The following FAM184A variants were observed in gnomAD, a reference collection of about 807,000 sequenced individuals.
FAM184A encodes the protein protein FAM184A.
A neutral mutation model predicts 143.8 loss-of-function variants in FAM184A; 99 were observed. The ratio of observed to expected loss-of-function variants is 0.69; its 90% CI spans 0.58 to 0.81. The LOEUF (loss-of-function observed/expected upper bound fraction) is 0.81, where lower values mean the gene tolerates loss of function less well. Ranked by LOEUF, FAM184A falls within the 40% of genes least tolerant of loss-of-function variation. The pLI is 0.00. For missense variants in FAM184A, 1,217 were observed against 1,310.5 expected, an observed-to-expected ratio of 0.93 and a Z score of 1.10; for synonymous variants, 427 against 446.4, an observed-to-expected ratio of 0.96 and a Z score of 0.55.
chr6:119,003,022 C>T lies in FAM184A; in HGVS notation c.1965G>A (p.Glu655=), dbSNP rs750035821. ...LRQECSKLRE[E]LRLQHEEDKK... The stretch of plus-strand genomic sequence containing the variant: ...TATCCTCTTCATGTTGAAGCCTTAA[C>T]TCTTCACGAAGTTTAGAACACTCTT... The change falls in exon 9 of 18, where the codon GAG becomes GAA. Residue 655 remains glutamate (E), a synonymous_variant. Coordinates refer to ENST00000338891, the MANE Select transcript of FAM184A (RefSeq NM_024581.6). 6.2e-7 allele frequency: 1 copy of T among 1,609,112 alleles called. No homozygotes were observed. Among genetic ancestry groups the T allele is most frequent in the Non-Finnish European group, 8.5e-7 (1 of 1,178,686 alleles).
At chr6:118,989,696 ATTCT>A (rs1315337296) in intron 9 of FAM184A, among the ~76,000 whole-genome samples, 1 of 151,766 alleles carries the variant, frequency 6.6e-6, no homozygotes, top group African/African-American at 2.4e-5. Context: ...TTTTTACTTT[ATTCT>A]TTCTCATACT....
Position 119,016,989 on chromosome 6 carries a change from T to A in FAM184A, c.1333-45A>T, listed in dbSNP as rs767406541. Reference sequence around the variant, plus strand: ...CAATAATCGGCACCTGCTTTTTTCATTACTGTTATTAGGGTAATTTGAATA... The same window carrying A: ...CAATAATCGGCACCTGCTTTTTTCAATACTGTTATTAGGGTAATTTGAATA... On this transcript the variant is annotated intron_variant, in intron 4 of 17. Coordinates refer to ENST00000338891, the MANE Select transcript of FAM184A (RefSeq NM_024581.6). The A allele has an allele frequency of 8.2e-6, 11 of 1,338,380 alleles. No homozygotes were observed. The East Asian group carries it at 2.5e-4, about 31-fold the overall frequency. 82.9% of individuals were successfully genotyped at this position (1,338,380 alleles called of 1,614,324 possible). A position where few individuals can be genotyped will look rare whatever the true frequency, so the allele number is the denominator to read the frequency against.
intron 1 of FAM184A, among the ~76,000 whole-genome samples, chr6:119,054,435 T>C (rs1051501809): frequency 7.9e-5 from 12 of 152,352 alleles, no homozygotes; most frequent in Admixed American, 5.2e-4. Flanking sequence ...GTGCCTTCTA[T>C]GTGTTCTCAC....
At chr6:119,032,273 A>AC (rs1212924528) in intron 1 of FAM184A, among the ~76,000 whole-genome samples, 1 of 151,834 alleles carries the variant, frequency 6.6e-6, no homozygotes, top group East Asian at 1.9e-4. Context: ...CTGTCTCAAA[A>AC]CAAAAAAAAA....
At chr6:118,967,266 ATG>A (rs1204468643) in intron 14 of FAM184A, among the ~76,000 whole-genome samples, 1 of 152,216 alleles carries the variant, frequency 6.6e-6, no homozygotes, top group Non-Finnish European at 1.5e-5. Flanking sequence ...AAGAAATTAT[ATG>A]TTGAATGATA....
chr6:119,140,890 G>A (rs2114890403), intron 1 of FAM184A, among the ~76,000 whole-genome samples: 1 of 152,300 alleles, frequency 6.6e-6, no homozygotes, highest in South Asian at 2.1e-4. Flanking sequence ...GATTCACTAG[G>A]TAATAAATGG....
chr6:119,024,723 G>C lies in FAM184A; in HGVS notation c.250C>G (p.Leu84Val). 6.2e-7 allele frequency: 1 copy of C among 1,613,572 alleles called. No homozygotes were observed. Among genetic ancestry groups the C allele is most frequent in the African/African-American group, 1.3e-5 (1 of 75,010 alleles). ...DAHEEEIQQI[L>V]AETREKILQY... ...AATATTTTTTCTCTTGTTTCAGCAA[G>C]AATTTGTTGAATTTCTTCTTCATGA... Residue 84 changes from leucine (L) to valine (V), a missense_variant, in exon 2 of 18, where the codon CTT (leucine) becomes GTT (valine). Coordinates refer to ENST00000338891, the MANE Select transcript of FAM184A (RefSeq NM_024581.6).
chr6:119,063,613 A>T (rs1217544051), intron 1 of FAM184A, among the ~76,000 whole-genome samples: 1 of 152,114 alleles, frequency 6.6e-6, no homozygotes, highest in Admixed American at 6.6e-5. Context: ...CCTCTCTAAC[A>T]TTCAGTTTCA....
chr6:119,109,154 C>A (rs1276050150), intron 1 of FAM184A, among the ~76,000 whole-genome samples: 5 of 151,850 alleles, frequency 3.3e-5, no homozygotes, highest in African/African-American at 4.9e-5. Context: ...TAGCACTTGT[C>A]CTTGAACCAT....
intron 1 of FAM184A, among the ~76,000 whole-genome samples, chr6:119,038,219 C>T (rs1439270730): frequency 6.6e-6 from 1 of 152,080 alleles, no homozygotes; most frequent in African/African-American, 2.4e-5. Flanking sequence ...AACAAACAAA[C>T]AAATAGAGAA....
intron 1 of FAM184A, among the ~76,000 whole-genome samples, chr6:119,041,795 G>A (rs2114728610): frequency 6.6e-6 from 1 of 152,288 alleles, no homozygotes; most frequent in Non-Finnish European, 1.5e-5. Context: ...GCTTGCCATT[G>A]GTCCTGCACG....
chr6:119,098,254 C>T (rs755166032), intron 1 of FAM184A, among the ~76,000 whole-genome samples: 33 of 152,162 alleles, frequency 2.2e-4, no homozygotes, highest in Non-Finnish European at 3.4e-4. Context: ...TTTCGCCTTC[C>T]ACCATGATTG....
intron 14 of FAM184A, among the ~76,000 whole-genome samples, chr6:118,968,324 T>C (rs1320432330): frequency 6.6e-6 from 1 of 152,276 alleles, no homozygotes; most frequent in East Asian, 1.9e-4. Context: ...GAATTTGTGT[T>C]GGGCCACATT....
At chr6:119,043,831 T>C (rs952448573) in intron 1 of FAM184A, among the ~76,000 whole-genome samples, 2 of 152,218 alleles carry the variant, frequency 1.3e-5, no homozygotes, top group Admixed American at 1.3e-4. Context: ...AGGTATGCCT[T>C]TTCATTTATG....
At chr6:119,025,438 T>C in intron 1 of FAM184A, 1 of 518,806 alleles carries the variant, frequency 1.9e-6, no homozygotes. Flanking sequence ...GTACTTTTTC[T>C]CTTCATATTT....
At chr6:118,965,201 G>GTTT (rs1304097783) in intron 15 of FAM184A, among the ~76,000 whole-genome samples, 1 of 41,798 alleles carries the variant, frequency 2.4e-5, no homozygotes, top group South Asian at 1.0e-3. Context: ...AGTTTTTTTT[G>GTTT]TTTGTTTTTT....
chr6:119,144,904 T>C (rs893326790), intron 1 of FAM184A, among the ~76,000 whole-genome samples: 2 of 152,230 alleles, frequency 1.3e-5, no homozygotes, highest in African/African-American at 2.4e-5. Context: ...ATTTACTTAA[T>C]GTCTGCAACT....
rs977029986 is a variant in FAM184A at position 119,061,531 on chromosome 6, C to CTTTTTTT, written c.159+16603_159+16609dup. ...CTACCATGCCTGGCTAATTATTTTT[C>CTTTTTTT]TTTTTTTTTTTTTTTTTTTTTTTTT... is the stretch of plus-strand genomic sequence containing the variant. On this transcript the variant is annotated intron_variant, in intron 1 of 17. Transcript: ENST00000338891. Among the ~76,000 whole-genome samples, 151 of 58,570 alleles carry CTTTTTTT rather than the reference C, an allele frequency of 2.6e-3. 14 individuals are homozygous for CTTTTTTT. Among genetic ancestry groups the CTTTTTTT allele is most frequent in the Middle Eastern group, 0.017 (1 of 60 alleles). 38.4% of individuals were successfully genotyped at this position (58,570 alleles called of 152,430 possible).
intron 1 of FAM184A, among the ~76,000 whole-genome samples, chr6:119,102,551 G>A (rs1173819416): frequency 6.6e-6 from 1 of 151,980 alleles, no homozygotes; most frequent in African/African-American, 2.4e-5. Context: ...ACTTTGGAAG[G>A]CCGAGGTAGG....
Sources: gnomAD v4.1 joint callset for allele counts (sites outside exome capture counted in the v4.1 genomes callset) on GRCh38, gnomAD v4.1.1 for gene constraint, MANE v1.5 for transcripts, NCBI Gene and HGNC (gene_info 2026-07-23, HGNC 2026-07-21) for gene names.